Variants in CCSER1 observed in about 807,000 individuals in gnomAD.
CCSER1 encodes serine-rich coiled-coil domain-containing protein 1.
CCSER1 carries 41 observed loss-of-function variants against 82.0 expected under a neutral mutation model. The ratio of observed to expected loss-of-function variants is 0.50; its 90% CI spans 0.39 to 0.65. The LOEUF (loss-of-function observed/expected upper bound fraction) is 0.65. Among genes scored for constraint, CCSER1 ranks in the 30% least tolerant of loss-of-function variants. The pLI is 0.00. For synonymous variants in CCSER1, 414 were observed against 383.9 expected (o/e 1.08, Z -0.92); for missense variants, 1,119 against 1,064.2 (o/e 1.05, Z -0.72).
intron 8 of CCSER1, among the ~76,000 whole-genome samples, chr4:90,918,833 A>T (rs1445523008): frequency 6.6e-6 from 1 of 151,764 alleles, no homozygotes; most frequent in Non-Finnish European, 1.5e-5. Context: ...GTTTAAATAG[A>T]ATATATTTTT....
At chr4:90,953,958 A>C (rs963981660) in intron 9 of CCSER1, among the ~76,000 whole-genome samples, 1 of 152,098 alleles carries the variant, frequency 6.6e-6, no homozygotes, top group African/African-American at 2.4e-5. Context: ...GAGGTTCATA[A>C]ATTTTTCTTT....
intron 10 of CCSER1, among the ~76,000 whole-genome samples, chr4:91,329,159 A>G (rs1746773719): frequency 6.6e-6 from 1 of 152,370 alleles, no homozygotes; most frequent in East Asian, 1.9e-4. Context: ...ACTCTAATTT[A>G]TCTTCCACAC....
At chr4:90,425,139 C>T (rs920704698) in intron 4 of CCSER1, among the ~76,000 whole-genome samples, 1 of 152,114 alleles carries the variant, frequency 6.6e-6, no homozygotes, top group East Asian at 1.9e-4. Flanking sequence ...TCTCATTCTT[C>T]ATACAGAACT....
At chr4:91,459,994 G>A (rs1756413399) in intron 10 of CCSER1, among the ~76,000 whole-genome samples, 1 of 152,096 alleles carries the variant, frequency 6.6e-6, no homozygotes, top group Non-Finnish European at 1.5e-5. Context: ...ACTGGCAGTG[G>A]CAAGCAGAGC....
chr4:91,213,126 A>T (rs1736965291), intron 10 of CCSER1, among the ~76,000 whole-genome samples: 1 of 152,022 alleles, frequency 6.6e-6, no homozygotes, highest in South Asian at 2.1e-4. Context: ...ACTTTTTTAA[A>T]TCTAATCCAC....
intron 10 of CCSER1, among the ~76,000 whole-genome samples, chr4:91,148,244 A>G (rs980329593): frequency 6.6e-6 from 1 of 152,116 alleles, no homozygotes; most frequent in Non-Finnish European, 1.5e-5. Flanking sequence ...ATCCATTTTT[A>G]TATACCTTTA....
chr4:91,206,567 A>T (rs973754495), intron 10 of CCSER1, among the ~76,000 whole-genome samples: 23 of 152,030 alleles, frequency 1.5e-4, no homozygotes, highest in African/African-American at 5.5e-4. Flanking sequence ...CCCTCTTGGA[A>T]CTGAAATTCT....
chr4:91,054,769 C>G (rs563499747), intron 9 of CCSER1, among the ~76,000 whole-genome samples: 1 of 152,034 alleles, frequency 6.6e-6, no homozygotes, highest in Admixed American at 6.6e-5. Flanking sequence ...TTTACTAATC[C>G]CTAATCTGAA....
At chr4:91,244,390 T>C (rs915501548) in intron 10 of CCSER1, among the ~76,000 whole-genome samples, 6 of 152,176 alleles carry the variant, frequency 3.9e-5, no homozygotes, top group Admixed American at 2.0e-4. Context: ...TGTGTTGGCT[T>C]CAGGTCTGAC....
At chr4:91,544,538 C>A (rs547560700) in intron 10 of CCSER1, among the ~76,000 whole-genome samples, 1 of 152,324 alleles carries the variant, frequency 6.6e-6, no homozygotes, top group South Asian at 2.1e-4. Flanking sequence ...ACAGTCAGCA[C>A]CCTCAGCTGC....
chr4:90,636,854 G>A (rs1015164657), intron 6 of CCSER1, among the ~76,000 whole-genome samples: 2 of 152,092 alleles, frequency 1.3e-5, no homozygotes, highest in Non-Finnish European at 2.9e-5. Flanking sequence ...AAGTGTAACA[G>A]GCATAAATAT....
At chr4:90,807,295 T>G (rs1197705497) in intron 7 of CCSER1, among the ~76,000 whole-genome samples, 1 of 152,166 alleles carries the variant, frequency 6.6e-6, no homozygotes, top group African/African-American at 2.4e-5. Context: ...CAGTAATATT[T>G]AGAGTCTAGG....
At chr4:90,412,526 CAAA>C (rs33926523) in intron 4 of CCSER1, among the ~76,000 whole-genome samples, 3 of 138,566 alleles carry the variant, frequency 2.2e-5, no homozygotes, top group African/African-American at 5.1e-5. Context: ...ATATAAACAT[CAAA>C]AAAAAAAAAA....
intron 1 of CCSER1, among the ~76,000 whole-genome samples, chr4:90,227,355 C>G (rs930979272): frequency 1.3e-5 from 2 of 152,180 alleles, no homozygotes; most frequent in Non-Finnish European, 2.9e-5. Context: ...CAACTTTATA[C>G]TTTGGGAAAT....
chr4:91,066,676 G>C (rs1720849438), intron 9 of CCSER1, among the ~76,000 whole-genome samples: 1 of 152,158 alleles, frequency 6.6e-6, no homozygotes, highest in Non-Finnish European at 1.5e-5. Context: ...TAGCTGGGAA[G>C]TCTTCAGAAA....
chr4:90,816,347 T>G (rs1332014804), intron 8 of CCSER1, among the ~76,000 whole-genome samples: 1 of 152,152 alleles, frequency 6.6e-6, no homozygotes, highest in Admixed American at 6.5e-5. Flanking sequence ...TACAAAAATA[T>G]GCAGTGTGTG....
chr4:90,446,459 T>C (rs966342759), intron 4 of CCSER1, among the ~76,000 whole-genome samples: 1 of 152,178 alleles, frequency 6.6e-6, no homozygotes, highest in Admixed American at 6.6e-5. Context: ...ATAGCTAACA[T>C]TGTTTTTTCA....
intron 5 of CCSER1, among the ~76,000 whole-genome samples, chr4:90,526,467 G>A (rs942179249): frequency 2.0e-5 from 3 of 151,814 alleles, no homozygotes; most frequent in African/African-American, 7.3e-5. Flanking sequence ...TGTTACATAG[G>A]TATACACGTG....
chr4:90,905,821 T>C (rs1382816501), intron 8 of CCSER1, among the ~76,000 whole-genome samples: 1 of 152,080 alleles, frequency 6.6e-6, no homozygotes, highest in Admixed American at 6.6e-5. Context: ...TACTCAGGAG[T>C]TGGACTCTAA....
Sources: allele counts gnomAD v4.1 joint callset (sites outside exome capture counted in the v4.1 genomes callset), GRCh38; gene constraint gnomAD v4.1.1; transcripts MANE v1.5; gene names NCBI Gene and HGNC (gene_info 2026-07-23, HGNC 2026-07-21).